The following MRPL22 variants were observed in gnomAD, a reference collection of about 807,000 sequenced individuals.
MRPL22 encodes large ribosomal subunit protein uL22m.
A neutral mutation model predicts 32.4 loss-of-function variants in MRPL22; 27 were observed. That is an observed-to-expected ratio of 0.83 (90% CI 0.61 to 1.15). MRPL22 has a LOEUF of 1.15. MRPL22 is among the 50% of genes most tolerant of loss of function. The probability of loss-of-function intolerance (pLI) is 0.00; values close to 1 mark genes in which losing one functional copy is unlikely to be tolerated. For missense variants in MRPL22, 239 were observed against 260.2 expected (o/e 0.92, Z 0.56); for synonymous variants, 86 against 87.3 (o/e 0.99, Z 0.08).
chr5:154,956,940 T>G, intron 4 of MRPL22, 195 bp from the exon 5 acceptor site: 1 of 547,018 alleles, frequency 1.8e-6, no homozygotes, highest in Non-Finnish European at 3.2e-6. Flanking sequence ...AATCTCAGTT[T>G]TATGGTTAAA....
At chr5:154,965,766 T>G (rs1373573987) in intron 6 of MRPL22, among the ~76,000 whole-genome samples, 1 of 152,124 alleles carries the variant, frequency 6.6e-6, no homozygotes, top group Non-Finnish European at 1.5e-5. Context: ...CAAGGTCAAA[T>G]TTTGATATAC....
intron 5 of MRPL22, among the ~76,000 whole-genome samples, chr5:154,957,781 A>G (rs1373800131): frequency 6.6e-6 from 1 of 152,150 alleles, no homozygotes; most frequent in East Asian, 1.9e-4. Flanking sequence ...ACTATGTGGA[A>G]TTGGATTAGA....
chr5:154,948,772 T>C (rs1202584248), intron 2 of MRPL22, among the ~76,000 whole-genome samples: 1 of 152,230 alleles, frequency 6.6e-6, no homozygotes, highest in Non-Finnish European at 1.5e-5. Flanking sequence ...AATGGTACAG[T>C]TTGTATAGGA....
intron 2 of MRPL22, among the ~76,000 whole-genome samples, chr5:154,943,432 A>G (rs1764446079): frequency 6.6e-6 from 1 of 152,082 alleles, no homozygotes; most frequent in South Asian, 2.1e-4. Context: ...CTAGAAATAA[A>G]TAAACTAAGG....
chr5:154,946,677 G>A lies in MRPL22; in HGVS notation c.78-4144G>A, dbSNP rs112330392. Among the ~76,000 whole-genome samples the A allele has an allele frequency of 8.3e-4, 127 of 152,100 alleles. 2 individuals carry two copies. The highest frequency in any genetic ancestry group is 6.8e-3 in the Middle Eastern group (2 of 294). The stretch of plus-strand genomic sequence containing the variant: ...AAAAATACAAAAATTAGCCAGGTGT[G>A]GGGTGCGGTGGTGCGTCCCTGTAAT... On this transcript the variant is annotated intron_variant, in intron 2 of 6. Coordinates refer to ENST00000523037, the MANE Select transcript of MRPL22 (RefSeq NM_014180.4).
rs1425778748 is a variant in MRPL22 at position 154,968,485 on chromosome 5, C to A, written c.*1588C>A. On this transcript the variant is annotated 3_prime_UTR_variant, in exon 7 of 7. Transcript: ENST00000523037. The stretch of plus-strand genomic sequence containing the variant: ...TTTATGAAACAAGAGACTCAATGTT[C>A]TCTGTAGAAAACCTTTTTTAGAATC... The A allele has an allele frequency of 6.6e-6, 1 of 152,194 alleles. No homozygotes were observed. Among genetic ancestry groups the A allele is most frequent in the African/African-American group, 2.4e-5 (1 of 41,454 alleles). 9.4% of individuals were successfully genotyped at this position (152,194 alleles called of 1,614,324 possible).
rs1401923388 is a variant in MRPL22 at position 154,969,186 on chromosome 5, T to C, written c.*2289T>C. ...CCCACCTAGTGACGGAGGGAGGTGA[T>C]TGATGATGGGTGTGGTGTACCCCAT... is the stretch of plus-strand genomic sequence containing the variant. On this transcript the variant is annotated 3_prime_UTR_variant, in exon 7 of 7. Coordinates refer to ENST00000523037, the MANE Select transcript of MRPL22 (RefSeq NM_014180.4). The C allele has an allele frequency of 6.6e-6, 1 of 152,186 alleles. No individual in the cohort carries two copies. The allele number at this position is 152,186 out of a possible 1,614,324, so 9.4% of individuals were successfully genotyped here. A position where few individuals can be genotyped will look rare whatever the true frequency, so the allele number is the denominator to read the frequency against.
At chr5:154,961,963 C>T (rs546575166) in intron 6 of MRPL22, among the ~76,000 whole-genome samples, 15 of 152,324 alleles carry the variant, frequency 9.8e-5, no homozygotes, top group African/African-American at 3.6e-4. Context: ...GTTAGGATTA[C>T]GGGCATAAGC....
intron 6 of MRPL22, among the ~76,000 whole-genome samples, chr5:154,963,190 C>T (rs1014738559): frequency 2.6e-5 from 4 of 152,180 alleles, no homozygotes; most frequent in Non-Finnish European, 5.9e-5. Flanking sequence ...CCACCTGCCT[C>T]GGCCTCCCAA....
chr5:154,953,077 G>C (rs1432250788), intron 3 of MRPL22, among the ~76,000 whole-genome samples: 1 of 152,140 alleles, frequency 6.6e-6, no homozygotes, highest in African/African-American at 2.4e-5. Context: ...AGACAGTGAA[G>C]GCTGGGTGTG....
chr5:154,943,976 A>G (rs1764455452), intron 2 of MRPL22, among the ~76,000 whole-genome samples: 1 of 151,950 alleles, frequency 6.6e-6, no homozygotes, highest in African/African-American at 2.4e-5. Flanking sequence ...GACAGTTTTC[A>G]GTTTTTGAAT....
chr5:154,961,375 C>T (rs1038045334), intron 6 of MRPL22, among the ~76,000 whole-genome samples: 1 of 152,166 alleles, frequency 6.6e-6, no homozygotes, highest in African/African-American at 2.4e-5. Flanking sequence ...AGACCATTTG[C>T]TTAAAACCTC....
At chr5:154,959,893 T>C (rs941518163) in intron 5 of MRPL22, 87 bp from the exon 6 acceptor site, 8 of 850,292 alleles carry the variant, frequency 9.4e-6, no homozygotes, top group African/African-American at 1.7e-5. Flanking sequence ...TTAGCAGTCA[T>C]AGTACAGAGA....
At position 154,945,359 on chromosome 5, in the gene MRPL22, T is replaced by C. The variant is rs530450515; in HGVS notation, c.77+4094T>C. On this transcript the variant is annotated intron_variant, in intron 2 of 6. Coordinates refer to ENST00000523037, the MANE Select transcript of MRPL22 (RefSeq NM_014180.4). ...TGGAAGGGTAGAGTTAACCACTTAC[T>C]GAGCTAGGAAGACTTCCAGAGGAGC... Among the ~76,000 whole-genome samples, 9 of 152,344 alleles carry C rather than the reference T, an allele frequency of 5.9e-5. 1 individual carries two copies. In the South Asian group the frequency reaches 1.9e-3, roughly 32 times the overall value.
intron 2 of MRPL22, 154 bp from the exon 3 acceptor site, chr5:154,950,667 T>C (rs1033975259): frequency 1.5e-6 from 1 of 658,870 alleles, no homozygotes; most frequent in African/African-American, 1.8e-5. Context: ...TGTTTAAAAG[T>C]AGTCTCTATT....
chr5:154,963,480 G>A (rs1456434765), intron 6 of MRPL22, among the ~76,000 whole-genome samples: 1 of 152,138 alleles, frequency 6.6e-6, no homozygotes, highest in Non-Finnish European at 1.5e-5. Context: ...TGCATACATT[G>A]TTCTTCTGAA....
rs143677929 is a variant in MRPL22 at position 154,944,195 on chromosome 5, C to T, written c.77+2930C>T. Among the ~76,000 whole-genome samples the T allele has an allele frequency of 4.0e-3, 604 of 152,160 alleles. 4 individuals are homozygous for T. The highest frequency in any genetic ancestry group is 2.6e-3 in the African/African-American group (108 of 41,524). On this transcript the variant is annotated intron_variant, in intron 2 of 6. Transcript: ENST00000523037. ...CTGGTCTCAAACTCCTAGGCTCAAACGATCCGCCCGCTTTGGCCTCCCAAA... is the reference window on the plus strand; with the variant it reads ...CTGGTCTCAAACTCCTAGGCTCAAATGATCCGCCCGCTTTGGCCTCCCAAA...
intron 3 of MRPL22, among the ~76,000 whole-genome samples, chr5:154,953,480 AAAAAAGCTATGTTAAAT>A (rs1445788890): frequency 1.3e-5 from 2 of 151,956 alleles, no homozygotes; most frequent in African/African-American, 4.8e-5. Flanking sequence ...GTATCTTTGA[AAAAAAGCTATGTTAAAT>A]AAATGAAAAG....
chr5:154,941,310 T>C (rs771007375), intron 2 of MRPL22, 45 bp downstream of exon 2: 4 of 1,609,866 alleles, frequency 2.5e-6, no homozygotes, highest in African/African-American at 2.7e-5. Context: ...AAGGCATCTT[T>C]AGTATTCTGC....
Sources: allele counts gnomAD v4.1 joint callset (sites outside exome capture counted in the v4.1 genomes callset), GRCh38; gene constraint gnomAD v4.1.1; transcripts MANE v1.5; gene names NCBI Gene and HGNC (gene_info 2026-07-23, HGNC 2026-07-21).